ATAD3B: variants seen among roughly 807,000 people sequenced by gnomAD.
ATAD3B encodes ATPase family AAA domain containing 3B, also known as ATPase family AAA domain-containing protein 3B.
A neutral mutation model predicts 70.2 loss-of-function variants in ATAD3B; 59 were observed. The observed-to-expected ratio is 0.84, with a 90% CI of 0.68 to 1.04. The LOEUF is 1.04. ATAD3B is among the 50% of genes least tolerant of loss of function. The probability of loss-of-function intolerance (pLI) is 0.00; values close to 1 mark genes in which losing one functional copy is unlikely to be tolerated. For synonymous variants in ATAD3B, 423 were observed against 388.6 expected (o/e 1.09, Z -1.04); for missense variants, 961 against 913.4 (o/e 1.05, Z -0.67).
downstream of ATAD3B, among the ~76,000 whole-genome samples, chr1:1,502,376 G>A (rs1182677474): frequency 6.0e-5 from 9 of 150,344 alleles, no homozygotes; most frequent in East Asian, 1.8e-3. Context: ...CACCGCGCCT[G>A]GCTAATTTTT....
downstream of ATAD3B, among the ~76,000 whole-genome samples, chr1:1,499,064 C>T (rs1247893848): frequency 2.6e-5 from 4 of 151,546 alleles, no homozygotes; most frequent in South Asian, 4.2e-4. Flanking sequence ...CTCCACCTCC[C>T]GGGTTCACGC....
At chr1:1,498,147 T>TA (rs1161538892), downstream of ATAD3B, among the ~76,000 whole-genome samples, 4 of 148,168 alleles carry the variant, frequency 2.7e-5, no homozygotes, top group African/African-American at 9.9e-5. Flanking sequence ...CTATTAAAAA[T>TA]ACGAAAGTTA....
At chr1:1,491,156 C>A (rs1304512227) in intron 15 of ATAD3B, among the ~76,000 whole-genome samples, 4 of 151,912 alleles carry the variant, frequency 2.6e-5, no homozygotes, top group Non-Finnish European at 5.9e-5. Context: ...GTTAGTTGTT[C>A]CTCGGAGGCA....
Position 1,495,876 on chromosome 1 carries a change from C to A in ATAD3B, c.*59C>A, listed in dbSNP as rs994324988. 50 of 1,489,800 alleles carry A rather than the reference C, an allele frequency of 3.4e-5. No homozygotes were observed. Among genetic ancestry groups the A allele is most frequent in the Non-Finnish European group, 4.4e-5 (49 of 1,125,190 alleles). The allele number at this position is 1,489,800 out of a possible 1,614,324, so 92.3% of individuals were successfully genotyped here. On this transcript the variant is annotated 3_prime_UTR_variant, in exon 16 of 16. Coordinates refer to ENST00000673477, the MANE Select transcript of ATAD3B (RefSeq NM_031921.6). Reference sequence around the variant, plus strand: ...CCCCTCGAGACACTCTTGGGAGATGCATTTTCCGTCTGGCTCACAGGGGGA... The same window carrying A: ...CCCCTCGAGACACTCTTGGGAGATGAATTTTCCGTCTGGCTCACAGGGGGA...
chr1:1,485,843 G>T lies in ATAD3B; in HGVS notation c.963+5G>T, dbSNP rs372561924. 2.0e-5 allele frequency: 32 copies of T among 1,612,954 alleles called. No individual in the cohort carries two copies. The highest frequency in any genetic ancestry group is 2.7e-5 in the Non-Finnish European group (32 of 1,179,532). On this transcript the variant is annotated splice_donor_5th_base_variant and intron_variant, in intron 9 of 15. Transcript: ENST00000673477. ...CTGGAGGGTGTTGTGCTTAGTGTAA[G>T]TCGGTGTGCCTGGGACCGGGGAGGT...
At position 1,479,953 on chromosome 1, in the gene ATAD3B, C is replaced by T. The variant is rs1306898260; in HGVS notation, c.444+845C>T. On this transcript the variant is annotated intron_variant, in intron 4 of 15. Transcript: ENST00000673477. ...ATGCACAAACACCCACCTGCACACA[C>T]GGGCACACCCCACCACACACACACA... is the stretch of plus-strand genomic sequence containing the variant. Among the ~76,000 whole-genome samples, 8 of 144,458 alleles carry T rather than the reference C, an allele frequency of 5.5e-5. 1 individual carries two copies. In the East Asian group the frequency reaches 1.1e-3, roughly 19 times the overall value. The allele number at this position is 144,458 out of a possible 152,430, so 94.8% of individuals were successfully genotyped here.
intron 1 of ATAD3B, among the ~76,000 whole-genome samples, chr1:1,476,050 G>C (rs1199567962): frequency 7.0e-6 from 1 of 143,438 alleles, no homozygotes; most frequent in African/African-American, 2.8e-5. Context: ...TTGAGAGCCC[G>C]GGGTCGCTTC....
the ATAD3B span, among the ~76,000 whole-genome samples, chr1:1,508,082 G>C: frequency 6.6e-6 from 1 of 152,204 alleles, no homozygotes; most frequent in Non-Finnish European, 1.5e-5. Flanking sequence ...CCCTGGGTGA[G>C]GTGCAGCCAC....
chr1:1,472,979 C>T (rs940738412), intron 1 of ATAD3B, among the ~76,000 whole-genome samples: 12 of 151,522 alleles, frequency 7.9e-5, no homozygotes, highest in African/African-American at 2.2e-4. Context: ...CGCAGCACCA[C>T]GCCCGGCTAA....
intron 8 of ATAD3B, 22 bp from the exon 9 acceptor site, chr1:1,485,760 G>A (rs1557806422): frequency 6.2e-7 from 1 of 1,612,362 alleles, no homozygotes; most frequent in Non-Finnish European, 8.5e-7. Flanking sequence ...ACCCAATGGT[G>A]CTTCCCCTTC....
intron 5 of ATAD3B, among the ~76,000 whole-genome samples, 153 bp from the exon 6 acceptor site, chr1:1,481,985 T>C (rs1263594443): frequency 7.3e-6 from 1 of 136,586 alleles, no homozygotes; most frequent in South Asian, 2.2e-4. Flanking sequence ...CTTAGCCTGT[T>C]GGTGGCGTGG....
At chr1:1,503,146 C>G in the ATAD3B span, 1 of 159,524 alleles carries the variant, frequency 6.3e-6, no homozygotes, top group Non-Finnish European at 1.4e-5. Flanking sequence ...ATGGCACGAA[C>G]CCGAGAGGTG....
rs532326334 is a variant in ATAD3B at position 1,475,480 on chromosome 1, T to G, written c.206-1794T>G. ...GGGTCGCCGAGATTCGCCCGTTGCT[T>G]TGTCCTTGCTGCTCTCCAGGCAAAC... is the stretch of plus-strand genomic sequence containing the variant. On this transcript the variant is annotated intron_variant, in intron 1 of 15. Coordinates refer to ENST00000673477, the MANE Select transcript of ATAD3B (RefSeq NM_031921.6). Among the ~76,000 whole-genome samples, 6 of 151,948 alleles carry G rather than the reference T, an allele frequency of 3.9e-5. No homozygotes were observed. The South Asian group carries it at 6.3e-4, about 16-fold the overall frequency.
the ATAD3B span, among the ~76,000 whole-genome samples, chr1:1,504,542 C>T: frequency 6.6e-6 from 1 of 151,778 alleles, no homozygotes; most frequent in Non-Finnish European, 1.5e-5. Flanking sequence ...CCCAGCTACT[C>T]AGGAGGCTGA....
the ATAD3B span, among the ~76,000 whole-genome samples, chr1:1,504,234 C>T: frequency 6.6e-6 from 1 of 151,944 alleles, no homozygotes; most frequent in Non-Finnish European, 1.5e-5. Context: ...GATCTACCTG[C>T]CTCGGCCTCC....
At position 1,495,563 on chromosome 1, in the gene ATAD3B, T is replaced by C. The variant is rs372295601; in HGVS notation, c.1693T>C (p.Tyr565His). The change falls in exon 16 of 16, where the codon TAC (tyrosine) becomes CAC (histidine). Residue 565 changes from tyrosine (Y) to histidine (H), a missense_variant. Physicochemically the swap from Tyr to His is moderately conservative, Grantham distance 83. Around this residue, in one of 4 missense-constraint regions of ATAD3B, gnomAD observed 417 missense variants for 335.0 expected, o/e 1.24. Coordinates refer to ENST00000673477, the MANE Select transcript of ATAD3B (RefSeq NM_031921.6). ...DACVQDAVQQ[Y>H]RQKMRWLKAE... The stretch of plus-strand genomic sequence containing the variant: ...CTGTGTGCAAGATGCTGTCCAGCAG[T>C]ACCGACAGAAGATGCGCTGGCTGAA... The C allele has an allele frequency of 2.6e-4, 418 of 1,613,078 alleles. 3 individuals are homozygous for C. In the East Asian group the frequency reaches 3.5e-3, roughly 14 times the overall value.
intron 8 of ATAD3B, 86 bp downstream of exon 8, chr1:1,485,257 C>T (rs35871802): frequency 0.05 from 76,444 of 1,541,920 alleles, 2,435 homozygotes; most frequent in Middle Eastern, 0.098. Flanking sequence ...CACACCCTCC[C>T]GTCCCTTCCC....
At chr1:1,498,781 CTG>C (rs943040461), downstream of ATAD3B, among the ~76,000 whole-genome samples, 6 of 151,432 alleles carry the variant, frequency 4.0e-5, 1 homozygote, top group East Asian at 1.9e-4. Context: ...CGGCGGCTCA[CTG>C]TGTTTTATGT....
At position 1,486,681 on chromosome 1, in the gene ATAD3B, C is replaced by T. The variant is rs1389551940; in HGVS notation, c.1214+13C>T. The T allele has an allele frequency of 1.2e-5, 19 of 1,585,200 alleles. No homozygotes were observed. The highest frequency in any genetic ancestry group is 1.6e-5 in the Non-Finnish European group (19 of 1,164,472). Reference sequence around the variant, plus strand: ...CCAGCCGGCGCGGGTGAGACGTCCCCACAGCATGCACCAGGCCCTTGGCTG... The same window carrying T: ...CCAGCCGGCGCGGGTGAGACGTCCCTACAGCATGCACCAGGCCCTTGGCTG... On this transcript the variant is annotated intron_variant, in intron 11 of 15. Transcript: ENST00000673477.
Sources: gnomAD v4.1 joint callset for allele counts (sites outside exome capture counted in the v4.1 genomes callset) on GRCh38, gnomAD v4.1.1 for gene constraint, gnomAD v4.1.1 regional missense constraint, MANE v1.5 for transcripts, NCBI Gene and HGNC (gene_info 2026-07-23, HGNC 2026-07-21) for gene names.